SAXO2: variants seen among roughly 807,000 people sequenced by gnomAD.
SAXO2 encodes stabilizer of axonemal microtubules 2, also known as family with sequence similarity 154, member B.
A neutral mutation model predicts 18.7 loss-of-function variants in SAXO2; 17 were observed. The ratio of observed to expected loss-of-function variants is 0.91; its 90% confidence interval spans 0.62 to 1.36. The LOEUF is 1.36. Ranked by LOEUF, SAXO2 falls within the 40% of genes most tolerant of loss-of-function variation. The probability of loss-of-function intolerance (pLI) is 0.00; values close to 1 mark genes in which losing one functional copy is unlikely to be tolerated. For synonymous variants in SAXO2, 163 were observed against 181.2 expected (o/e 0.90, Z 0.81); for missense variants, 486 against 562.6 (o/e 0.86, Z 1.38).
intron 3 of SAXO2, among the ~76,000 whole-genome samples, chr15:82,274,467 G>C (rs1596033837): frequency 6.6e-6 from 1 of 152,016 alleles, no homozygotes; most frequent in South Asian, 2.1e-4. Context: ...CCTTTGGGAG[G>C]CCAAGGCGGG....
intron 3 of SAXO2, among the ~76,000 whole-genome samples, chr15:82,274,898 C>T (rs2075301470): frequency 6.6e-6 from 1 of 151,546 alleles, no homozygotes; most frequent in South Asian, 2.1e-4. Flanking sequence ...AAACTAAACC[C>T]AAAGCTAGCA....
intron 2 of SAXO2, among the ~76,000 whole-genome samples, chr15:82,267,676 T>C (rs1306100058): frequency 6.6e-6 from 1 of 152,196 alleles, no homozygotes; most frequent in African/African-American, 2.4e-5. Flanking sequence ...CAACTTTTAG[T>C]CTAATATTTA....
chr15:82,277,166 G>A (rs934403234), intron 3 of SAXO2, among the ~76,000 whole-genome samples: 1 of 151,868 alleles, frequency 6.6e-6, no homozygotes, highest in Non-Finnish European at 1.5e-5. Context: ...TAGTAAAGTG[G>A]AATAATACAA....
At chr15:82,278,886 T>C (rs2075338845) in intron 3 of SAXO2, among the ~76,000 whole-genome samples, 1 of 152,174 alleles carries the variant, frequency 6.6e-6, no homozygotes. Flanking sequence ...TACATCAAAA[T>C]CTGAGAGATG....
chr15:82,275,303 A>AAAAAC, intron 3 of SAXO2, among the ~76,000 whole-genome samples: 1 of 150,188 alleles, frequency 6.7e-6, no homozygotes, highest in Non-Finnish European at 1.5e-5. Context: ...AAAAAAAAAA[A>AAAAAC]AAATGCCCCA....
chr15:82,263,017 C>G, intron 1 of SAXO2, 85 bp downstream of exon 1: 2 of 1,546,316 alleles, frequency 1.3e-6, no homozygotes, highest in African/African-American at 1.4e-5. Flanking sequence ...CTCGGGAACC[C>G]TGAGAGTGGC....
chr15:82,271,956 T>A lies in SAXO2; in HGVS notation c.433+154T>A, dbSNP rs1324118955. On this transcript the variant is annotated intron_variant, in intron 3 of 3. Coordinates refer to ENST00000682753, the MANE Select transcript of SAXO2 (RefSeq NM_001348699.2). ...CTCTCTTTGGCAAAATAGTATTGTATAGTAACAAAAGAAAATAGGCCATTT... is the reference window on the plus strand; with the variant it reads ...CTCTCTTTGGCAAAATAGTATTGTAAAGTAACAAAAGAAAATAGGCCATTT... 1.1e-5 allele frequency: 7 copies of A among 618,308 alleles called. No homozygotes were observed. In the Admixed American group the frequency reaches 2.4e-4, roughly 21 times the overall value. The allele number at this position is 618,308 out of a possible 1,614,324, so 38.3% of individuals were successfully genotyped here.
chr15:82,276,905 A>G (rs1314422449), intron 3 of SAXO2, among the ~76,000 whole-genome samples: 4 of 152,246 alleles, frequency 2.6e-5, no homozygotes, highest in Non-Finnish European at 5.9e-5. Context: ...GCACACAGAA[A>G]GGGTACATAT....
Position 82,282,626 on chromosome 15 carries a change from A to C in SAXO2, c.941A>C (p.Asp314Ala), listed in dbSNP as rs1229360377. ...SMLLNSTSHL[D>A]YVPYQANHVV... ...CTGTTAAACAGCACAAGCCATCTTG[A>C]CTATGTTCCATATCAGGCCAACCAT... is the stretch of plus-strand genomic sequence containing the variant. Residue 314 changes from aspartate (D) to alanine (A), a missense_variant, in exon 4 of 4, where the codon GAC becomes GCC. By Grantham distance (126) the Asp-to-Ala change is moderately radical. Coordinates refer to ENST00000682753, the MANE Select transcript of SAXO2 (RefSeq NM_001348699.2). The C allele has an allele frequency of 2.5e-6, 4 of 1,614,206 alleles. No homozygotes were observed. Among genetic ancestry groups the C allele is most frequent in the Non-Finnish European group, 3.4e-6 (4 of 1,180,038 alleles).
In SAXO2 at chr15:82,283,063, T is replaced by C. The variant is rs199527639; in HGVS notation, c.*1T>C. 145 of 1,596,238 alleles carry C rather than the reference T, an allele frequency of 9.1e-5. No homozygotes were observed. Among genetic ancestry groups the C allele is most frequent in the Non-Finnish European group, 5.9e-5 (69 of 1,172,314 alleles). On this transcript the variant is annotated 3_prime_UTR_variant, in exon 4 of 4. Transcript: ENST00000682753. ...TATTCCTGCAGTGAAGGCCTTCTAA[T>C]AACCAAAATGTGCTTAAAAGGAAGG...
At chr15:82,275,349 TAGAA>T (rs1315825654) in intron 3 of SAXO2, among the ~76,000 whole-genome samples, 3 of 122,060 alleles carry the variant, frequency 2.5e-5, no homozygotes, top group Non-Finnish European at 5.1e-5. Context: ...CTACCAGACA[TAGAA>T]AGAACAGCTG....
chr15:82,268,797 A>C (rs1417182477), intron 2 of SAXO2, among the ~76,000 whole-genome samples: 2 of 152,266 alleles, frequency 1.3e-5, no homozygotes, highest in African/African-American at 4.8e-5. Context: ...ATGTTTCAGG[A>C]TATATCAGAT....
rs1023021221 is a variant in SAXO2, at chr15:82,284,895, T to C, written c.*1833T>C. 1 of 152,226 alleles carries C rather than the reference T, an allele frequency of 6.6e-6. No individual in the cohort carries two copies. The highest frequency in any genetic ancestry group is 2.4e-5 in the African/African-American group (1 of 41,460). 9.4% of individuals were successfully genotyped at this position (152,226 alleles called of 1,614,324 possible). A position where few individuals can be genotyped will look rare whatever the true frequency, so the allele number is the denominator to read the frequency against. Reference sequence around the variant, plus strand: ...GAAACTATATTTCCATGCAACATAATAAAATCAATAAAAGGAATGGATTTT... The same window carrying C: ...GAAACTATATTTCCATGCAACATAACAAAATCAATAAAAGGAATGGATTTT... On this transcript the variant is annotated 3_prime_UTR_variant, in exon 4 of 4. Transcript: ENST00000682753.
At chr15:82,274,219 G>A (rs1425579486) in intron 3 of SAXO2, among the ~76,000 whole-genome samples, 1 of 151,916 alleles carries the variant, frequency 6.6e-6, no homozygotes. Context: ...TCCTATGGTT[G>A]TAGTTCAAGG....
intron 3 of SAXO2, among the ~76,000 whole-genome samples, chr15:82,280,825 A>C (rs2075356648): frequency 6.6e-6 from 1 of 152,326 alleles, no homozygotes; most frequent in African/African-American, 2.4e-5. Context: ...TTACAAGAAT[A>C]ACAATGCTTG....
rs1567085180 is a variant in SAXO2, at chr15:82,262,908, GTC to G, written c.31_32del (p.Leu11ValfsTer5). 6.2e-7 allele frequency: 1 copy of G among 1,604,514 alleles called. No homozygotes were observed. The highest frequency in any genetic ancestry group is 1.7e-5 in the Admixed American group (1 of 58,816). On this transcript the variant is annotated frameshift_variant, in exon 1 of 4. Coordinates refer to ENST00000682753, the MANE Select transcript of SAXO2 (RefSeq NM_001348699.2). LOFTEE classifies it high-confidence loss of function. Reference sequence around the variant, plus strand: ...GGAGCCAAGAGTATGAGGAGCTGGTGTCTGTGTCAGATTTGTAGCTGCGGGTA... The same window carrying G: ...GGAGCCAAGAGTATGAGGAGCTGGTGTGTGTCAGATTTGTAGCTGCGGGTA...
At chr15:82,265,036 G>A (rs1308110839) in intron 1 of SAXO2, 1 of 429,820 alleles carries the variant, frequency 2.3e-6, no homozygotes, top group African/African-American at 1.9e-5. Flanking sequence ...ACACTAAATT[G>A]TTATGAGACA....
At position 82,274,750 on chromosome 15, in the gene SAXO2, C is replaced by T. The variant is rs1310565864; in HGVS notation, c.433+2948C>T. On this transcript the variant is annotated intron_variant, in intron 3 of 3. Coordinates refer to ENST00000682753, the MANE Select transcript of SAXO2 (RefSeq NM_001348699.2). ...GAAATAAATAAAAATAGAGACACAA[C>T]ATACCAAAACTTCTGGGATGTGGCA... 1.9e-4 allele frequency among the ~76,000 whole-genome samples: 28 copies of T among 147,216 alleles called. 1 individual carries two copies. The highest frequency in any genetic ancestry group is 1.8e-3 in the Admixed American group (27 of 14,844).
In SAXO2 at chr15:82,284,125, A is replaced by G. The variant is rs1237442557; in HGVS notation, c.*1063A>G. The G allele has an allele frequency of 6.6e-6, 1 of 152,224 alleles. No homozygotes were observed. Among genetic ancestry groups the G allele is most frequent in the Non-Finnish European group, 1.5e-5 (1 of 68,040 alleles). The allele number at this position is 152,224 out of a possible 1,614,324, so 9.4% of individuals were successfully genotyped here. A position where few individuals can be genotyped will look rare whatever the true frequency, so the allele number is the denominator to read the frequency against. ...CTGTATGGTACATTTTAATCCTTAA[A>G]GTACAAATGTGGAGGATTTTTTTTT... On this transcript the variant is annotated 3_prime_UTR_variant, in exon 4 of 4. Transcript: ENST00000682753.
Sources: gnomAD v4.1 joint callset for allele counts (sites outside exome capture counted in the v4.1 genomes callset) on GRCh38, gnomAD v4.1.1 for gene constraint, MANE v1.5 for transcripts, NCBI Gene and HGNC (gene_info 2026-07-23, HGNC 2026-07-21) for gene names.